The following MAPKAPK3 variants were observed in gnomAD, a reference collection of about 807,000 sequenced individuals.
MAPKAPK3 encodes MAP kinase-activated protein kinase 3.
A neutral mutation model predicts 49.2 loss-of-function variants in MAPKAPK3; 35 were observed. The observed-to-expected ratio is 0.71, with a 90% CI of 0.54 to 0.94. MAPKAPK3 has a LOEUF of 0.94. MAPKAPK3 is among the 40% of genes least tolerant of loss of function. MAPKAPK3 has a pLI of 0.00. For missense variants in MAPKAPK3, 398 were observed against 493.1 expected, an observed-to-expected ratio of 0.81 and a Z score of 1.83; for synonymous variants, 178 against 188.7, an observed-to-expected ratio of 0.94 and a Z score of 0.46.
At chr3:50,625,373 A>T (rs1439432752) in intron 2 of MAPKAPK3, among the ~76,000 whole-genome samples, 1 of 152,160 alleles carries the variant, frequency 6.6e-6, no homozygotes, top group East Asian at 1.9e-4. Context: ...AATGGCGTGA[A>T]GGGAGCTCTG....
rs775712762 is a variant in MAPKAPK3, at chr3:50,646,211, G to A, written c.776G>A (p.Arg259His). ...TCCCCGGGGATGAAGAGGAGGATTC[G>A]CCTGGGCCAGTACGGCTTCCCCAAT... ...AISPGMKRRI[R>H]LGQYGFPNPE... The change falls in exon 8 of 11, where the codon CGC (arginine) becomes CAC (histidine). Residue 259 changes from arginine to histidine, a missense_variant. This residue lies in a region of MAPKAPK3 where 152 missense variants were observed against 177.3 expected (regional missense o/e 0.86). Coordinates refer to ENST00000621469, the MANE Select transcript of MAPKAPK3 (RefSeq NM_001243925.2). 10 of 1,614,106 alleles carry A rather than the reference G, an allele frequency of 6.2e-6. No homozygotes were observed. Among genetic ancestry groups the A allele is most frequent in the East Asian group, 2.2e-5 (1 of 44,880 alleles).
At chr3:50,631,984 C>G (rs2032926633) in intron 2 of MAPKAPK3, among the ~76,000 whole-genome samples, 1 of 152,186 alleles carries the variant, frequency 6.6e-6, no homozygotes, top group South Asian at 2.1e-4. Context: ...CCTATCTGTC[C>G]TCTGGCACAA....
intron 5 of MAPKAPK3, among the ~76,000 whole-genome samples, chr3:50,643,135 A>G (rs1303102574): frequency 6.6e-6 from 1 of 152,224 alleles, no homozygotes; most frequent in Non-Finnish European, 1.5e-5. Context: ...TACAGGCGTG[A>G]GCCATTCCAC....
intron 2 of MAPKAPK3, among the ~76,000 whole-genome samples, chr3:50,630,957 C>A (rs1028486969): frequency 6.6e-6 from 1 of 152,196 alleles, no homozygotes; most frequent in East Asian, 1.9e-4. Flanking sequence ...AGCGCTAATC[C>A]CACCTGACTC....
chr3:50,641,814 A>T, intron 4 of MAPKAPK3, 43 bp downstream of exon 4: 1 of 1,535,372 alleles, frequency 6.5e-7, no homozygotes, highest in Non-Finnish European at 9.0e-7. Flanking sequence ...TCAGGGTGAG[A>T]GGTATGGACC....
upstream of MAPKAPK3, among the ~76,000 whole-genome samples, chr3:50,616,071 C>T (rs188093227): frequency 1.3e-5 from 2 of 152,290 alleles, no homozygotes; most frequent in African/African-American, 4.8e-5. Flanking sequence ...TGAGTGGAAC[C>T]GAGGTCCTGG....
intron 7 of MAPKAPK3, 91 bp downstream of exon 7, chr3:50,645,876 C>A: frequency 8.4e-7 from 1 of 1,193,334 alleles, no homozygotes; most frequent in Non-Finnish European, 1.2e-6. Context: ...ACCCCCATGT[C>A]CTTGGTGAGG....
intron 2 of MAPKAPK3, among the ~76,000 whole-genome samples, chr3:50,623,489 A>G (rs528883226): frequency 6.4e-4 from 98 of 152,222 alleles, no homozygotes; most frequent in African/African-American, 2.3e-3. Flanking sequence ...ATCTTTTCCC[A>G]TCCCATCTAG....
intron 2 of MAPKAPK3, among the ~76,000 whole-genome samples, chr3:50,636,917 C>T (rs543090686): frequency 2.6e-5 from 4 of 151,974 alleles, no homozygotes; most frequent in Admixed American, 1.3e-4. Context: ...GCCAGTGGGG[C>T]GTTTATTATA....
chr3:50,646,630 T>C (rs1426763090), intron 8 of MAPKAPK3, 110 bp from the exon 9 acceptor site: 2 of 927,288 alleles, frequency 2.2e-6, no homozygotes, highest in Non-Finnish European at 3.5e-6. Context: ...GGGTTGGGAA[T>C]TTGGGAGCAC....
chr3:50,647,085 C>T, intron 9 of MAPKAPK3, 38 bp from the exon 10 acceptor site: 1 of 1,520,794 alleles, frequency 6.6e-7, no homozygotes, highest in East Asian at 2.4e-5. Flanking sequence ...TCCCAGGTGC[C>T]TCCAGTTTCT....
upstream of MAPKAPK3, among the ~76,000 whole-genome samples, chr3:50,613,566 T>C (rs1401745776): frequency 6.6e-6 from 1 of 152,190 alleles, no homozygotes; most frequent in Non-Finnish European, 1.5e-5. Context: ...CTGTCCACTG[T>C]CTCATTACTA....
At chr3:50,641,945 C>T (rs538347306) in intron 4 of MAPKAPK3, among the ~76,000 whole-genome samples, 174 bp downstream of exon 4, 4 of 152,300 alleles carry the variant, frequency 2.6e-5, no homozygotes, top group African/African-American at 7.2e-5. Context: ...GACACTTTGT[C>T]GAACTTGGAC....
upstream of MAPKAPK3, among the ~76,000 whole-genome samples, chr3:50,615,900 A>G (rs960913773): frequency 2.0e-5 from 3 of 152,338 alleles, no homozygotes; most frequent in Non-Finnish European, 4.4e-5. Context: ...TCACTCATTC[A>G]TTGACAGAAG....
intron 2 of MAPKAPK3, among the ~76,000 whole-genome samples, chr3:50,620,513 G>T (rs572567299): frequency 1.3e-5 from 2 of 152,310 alleles, no homozygotes; most frequent in South Asian, 4.1e-4. Flanking sequence ...ATGGAAGATA[G>T]TGCTTAACAG....
At chr3:50,634,677 G>A (rs1285531686) in intron 2 of MAPKAPK3, among the ~76,000 whole-genome samples, 1 of 152,108 alleles carries the variant, frequency 6.6e-6, no homozygotes, top group African/African-American at 2.4e-5. Context: ...TTTTAGTAGA[G>A]ATGGGGTTTC....
At chr3:50,647,723 G>A (rs972674297) in intron 10 of MAPKAPK3, among the ~76,000 whole-genome samples, 171 bp from the exon 11 acceptor site, 2 of 152,270 alleles carry the variant, frequency 1.3e-5, no homozygotes, top group Admixed American at 6.5e-5. Context: ...ACAGAGGACG[G>A]TAGTGAGGAT....
Position 50,648,274 on chromosome 3 carries a change from G to T in MAPKAPK3, c.*228G>T. ...GATGGGCAGGGCCTAGGGGCTGGGAGCTGCCTGCTGCCATAGCAGCACCTT... is the reference window on the plus strand; with the variant it reads ...GATGGGCAGGGCCTAGGGGCTGGGATCTGCCTGCTGCCATAGCAGCACCTT... On this transcript the variant is annotated 3_prime_UTR_variant, in exon 11 of 11. Transcript: ENST00000621469. 1 of 504,716 alleles carries T rather than the reference G, an allele frequency of 2.0e-6. No individual in the cohort carries two copies. Among genetic ancestry groups the T allele is most frequent in the Non-Finnish European group, 3.5e-6 (1 of 286,650 alleles). 31.3% of individuals were successfully genotyped at this position (504,716 alleles called of 1,614,324 possible).
intron 8 of MAPKAPK3, 83 bp from the exon 9 acceptor site, chr3:50,646,657 A>G: frequency 7.9e-7 from 1 of 1,264,290 alleles, no homozygotes; most frequent in South Asian, 1.2e-5. Flanking sequence ...CCCCTGCCCC[A>G]GCAGAGCTTG....
Sources: gnomAD v4.1 joint callset for allele counts (sites outside exome capture counted in the v4.1 genomes callset) on GRCh38, gnomAD v4.1.1 for gene constraint, gnomAD v4.1.1 regional missense constraint, MANE v1.5 for transcripts, NCBI Gene and HGNC (gene_info 2026-07-23, HGNC 2026-07-21) for gene names.